Variants in TAS2R1 observed in about 807,000 individuals in gnomAD.
TAS2R1 encodes taste receptor type 2 member 1.
For synonymous variants in TAS2R1, 141 were observed against 134.2 expected, an observed-to-expected ratio of 1.05 and a Z score of -0.35; for missense variants, 370 against 353.4, an observed-to-expected ratio of 1.05 and a Z score of -0.38.
At chr5:9,826,057 T>G in the TAS2R1 span, among the ~76,000 whole-genome samples, 1 of 152,228 alleles carries the variant, frequency 6.6e-6, no homozygotes, top group African/African-American at 2.4e-5. Context: ...AAACGGTAAT[T>G]TTTATAATTA....
At chr5:9,717,477 G>A in the TAS2R1 span, among the ~76,000 whole-genome samples, 2 of 151,934 alleles carry the variant, frequency 1.3e-5, no homozygotes, top group Non-Finnish European at 2.9e-5. Context: ...AAATTCTAAG[G>A]AGCTTTTTAA....
At chr5:9,791,463 C>T in the TAS2R1 span, among the ~76,000 whole-genome samples, 34 of 152,206 alleles carry the variant, frequency 2.2e-4, no homozygotes, top group African/African-American at 8.2e-4. Context: ...CTTTGGGAGG[C>T]CAAGGTAGGT....
chr5:9,767,454 T>A, the TAS2R1 span, among the ~76,000 whole-genome samples: 20 of 152,238 alleles, frequency 1.3e-4, no homozygotes, highest in South Asian at 1.0e-3. Context: ...TCTATGTGGC[T>A]CAGTTTTCTC....
the TAS2R1 span, among the ~76,000 whole-genome samples, chr5:9,842,008 T>C: frequency 6.6e-6 from 1 of 152,210 alleles, no homozygotes; most frequent in African/African-American, 2.4e-5. Flanking sequence ...AGAAGTCTCA[T>C]GTTCTCTTCC....
At chr5:9,719,948 A>AAAAAAC in the TAS2R1 span, among the ~76,000 whole-genome samples, 12 of 146,114 alleles carry the variant, frequency 8.2e-5, no homozygotes, top group African/African-American at 3.0e-4. Context: ...ACAAAAACAA[A>AAAAAAC]AACAAACTAC....
chr5:9,745,756 C>G, the TAS2R1 span, among the ~76,000 whole-genome samples: 8 of 152,066 alleles, frequency 5.3e-5, no homozygotes, highest in African/African-American at 1.9e-4. Flanking sequence ...ATACCTTATA[C>G]AAAAATTAAT....
chr5:9,860,668 G>A, the TAS2R1 span, among the ~76,000 whole-genome samples: 1 of 152,088 alleles, frequency 6.6e-6, no homozygotes, highest in Admixed American at 6.6e-5. Flanking sequence ...AAGGAGAGAG[G>A]GATAGAATAT....
At chr5:9,805,508 A>G in the TAS2R1 span, among the ~76,000 whole-genome samples, 1 of 152,142 alleles carries the variant, frequency 6.6e-6, no homozygotes, top group Non-Finnish European at 1.5e-5. Flanking sequence ...ACAAAATACT[A>G]GCTAACAGAA....
At chr5:9,640,693 C>T (rs756810533) in intron 2 of TAS2R1, among the ~76,000 whole-genome samples, 3 of 152,078 alleles carry the variant, frequency 2.0e-5, no homozygotes, top group Non-Finnish European at 4.4e-5. Flanking sequence ...AACCCACCTG[C>T]GCCCTGCAAC....
the TAS2R1 span, among the ~76,000 whole-genome samples, chr5:9,799,737 A>T: frequency 6.6e-6 from 1 of 152,188 alleles, no homozygotes; most frequent in South Asian, 2.1e-4. Flanking sequence ...CTAAACTTTA[A>T]AGTAACTGAA....
At chr5:9,694,406 A>C (rs1741316606) in intron 1 of TAS2R1, among the ~76,000 whole-genome samples, 1 of 152,190 alleles carries the variant, frequency 6.6e-6, no homozygotes, top group Non-Finnish European at 1.5e-5. Flanking sequence ...AGCCCTGAAA[A>C]ACATGTTTTT....
Position 9,629,315 on chromosome 5 carries a change from G to T in TAS2R1, c.718C>A (p.His240Asn). ...ILSFLILYFSHCMIKVFLSSL... is the reference protein window; with the variant it reads ...ILSFLILYFSNCMIKVFLSSL... ...GAGAGAAAAACTTTTATCATGCAGT[G>T]GGAGAAGTAGAGGATCAGGAAGGAC... Residue 240 changes from histidine to asparagine, a missense_variant, in exon 1 of 1, where the codon CAC (histidine) becomes AAC (asparagine). Physicochemically the swap from His to Asn is moderately conservative, Grantham distance 68. Coordinates refer to ENST00000382492, the MANE Select transcript of TAS2R1 (RefSeq NM_019599.3). The T allele has an allele frequency of 6.2e-7, 1 of 1,613,592 alleles. No individual in the cohort carries two copies. The highest frequency in any genetic ancestry group is 8.5e-7 in the Non-Finnish European group (1 of 1,179,832).
chr5:9,845,407 T>A, the TAS2R1 span, among the ~76,000 whole-genome samples: 43,930 of 152,172 alleles, frequency 0.29, 7,040 homozygotes, highest in Non-Finnish European at 0.37. Context: ...CAGTAAACAT[T>A]TAATGATATT....
chr5:9,674,301 G>C (rs1384574308), intron 1 of TAS2R1, among the ~76,000 whole-genome samples: 1 of 152,068 alleles, frequency 6.6e-6, no homozygotes, highest in Non-Finnish European at 1.5e-5. Context: ...TACTTAAAAA[G>C]ATATGCAGGA....
intron 1 of TAS2R1, among the ~76,000 whole-genome samples, chr5:9,681,531 C>CAAAAAAAAAAAACAAAAAAAAAAAAAA (rs1740995287): frequency 1.1e-5 from 1 of 87,920 alleles, no homozygotes; most frequent in Non-Finnish European, 2.1e-5. Context: ...CATGTTTCTG[C>CAAAAAAAAAAAACAAAAAAAAAAAAAA]AAAAAAAAAA....
chr5:9,629,316 G>C lies in TAS2R1; in HGVS notation c.717C>G (p.Ser239=). ...AGAGAAAAACTTTTATCATGCAGTG[G>C]GAGAAGTAGAGGATCAGGAAGGACA... ...SILSFLILYF[S]HCMIKVFLSS... The change falls in exon 1 of 1, where the codon TCC becomes TCG. Residue 239 remains serine (S), a synonymous_variant. Coordinates refer to ENST00000382492, the MANE Select transcript of TAS2R1 (RefSeq NM_019599.3). 2 of 1,613,596 alleles carry C rather than the reference G, an allele frequency of 1.2e-6. No homozygotes were observed. Among genetic ancestry groups the C allele is most frequent in the Non-Finnish European group, 1.7e-6 (2 of 1,179,848 alleles).
chr5:9,711,557 C>T (rs1055605385), intron 1 of TAS2R1, among the ~76,000 whole-genome samples: 2 of 152,090 alleles, frequency 1.3e-5, no homozygotes, highest in African/African-American at 2.4e-5. Flanking sequence ...GTTTCAGTCA[C>T]GCAAGAGAAA....
the TAS2R1 span, among the ~76,000 whole-genome samples, chr5:9,781,127 G>T: frequency 2.6e-5 from 4 of 152,188 alleles, no homozygotes; most frequent in Non-Finnish European, 4.4e-5. Context: ...CCATGACCCT[G>T]ATTCATATTT....
chr5:9,878,977 C>T, the TAS2R1 span, among the ~76,000 whole-genome samples: 1 of 152,218 alleles, frequency 6.6e-6, no homozygotes, highest in Admixed American at 6.5e-5. Context: ...GTGCCAGGCA[C>T]TACAGAGTTC....
Sources: allele counts gnomAD v4.1 joint callset (sites outside exome capture counted in the v4.1 genomes callset), GRCh38; gene constraint gnomAD v4.1.1; transcripts MANE v1.5; gene names NCBI Gene and HGNC (gene_info 2026-07-23, HGNC 2026-07-21).